DLG2: variants seen among roughly 807,000 people sequenced by gnomAD.
The protein encoded by DLG2 is disks large homolog 2.
A neutral mutation model predicts 132.5 loss-of-function variants in DLG2; 45 were observed. The ratio of observed to expected loss-of-function variants is 0.34; its 90% confidence interval spans 0.27 to 0.44. The LOEUF is 0.44. DLG2 is among the 20% of genes least tolerant of loss of function. DLG2 has a pLI of 1.00. For missense variants in DLG2, 1,045 were observed against 1,196.9 expected, an observed-to-expected ratio of 0.87 and a Z score of 1.87; for synonymous variants, 424 against 419.6, an observed-to-expected ratio of 1.01 and a Z score of -0.13.
chr11:85,391,327 G>A (rs565763190), intron 3 of DLG2, among the ~76,000 whole-genome samples: 59 of 152,100 alleles, frequency 3.9e-4, no homozygotes, highest in South Asian at 1.5e-3. Context: ...AATAGTCCAG[G>A]ACCAGATGGA....
At chr11:85,314,433 A>G (rs978458937) in intron 3 of DLG2, among the ~76,000 whole-genome samples, 11 of 151,894 alleles carry the variant, frequency 7.2e-5, no homozygotes, top group African/African-American at 2.7e-4. Flanking sequence ...CTATATGTAT[A>G]TATATTGACA....
At chr11:83,753,844 CATATATA>C (rs1566831976) in intron 18 of DLG2, among the ~76,000 whole-genome samples, 638 of 8,744 alleles carry the variant, frequency 0.073, 68 homozygotes, top group African/African-American at 0.34. Context: ...TGATATATAT[CATATATA>C]TCATATATAT....
chr11:84,625,718 G>T (rs565301346), intron 6 of DLG2, among the ~76,000 whole-genome samples: 1 of 152,198 alleles, frequency 6.6e-6, no homozygotes, highest in Admixed American at 6.5e-5. Flanking sequence ...AAAATTTGAA[G>T]TCTGAGGTTA....
At chr11:83,737,797 GA>G (rs529698333) in intron 18 of DLG2, among the ~76,000 whole-genome samples, 1 of 152,080 alleles carries the variant, frequency 6.6e-6, no homozygotes, top group African/African-American at 2.4e-5. Flanking sequence ...ACTAAAAATA[GA>G]AAAAATTAGC....
At chr11:83,981,191 C>T (rs2092744932) in intron 11 of DLG2, among the ~76,000 whole-genome samples, 1 of 152,104 alleles carries the variant, frequency 6.6e-6, no homozygotes, top group East Asian at 1.9e-4. Flanking sequence ...TGTTTATATA[C>T]ATGTAATAAT....
intron 4 of DLG2, among the ~76,000 whole-genome samples, chr11:85,262,121 G>C (rs1225664337): frequency 2.0e-5 from 3 of 152,160 alleles, no homozygotes; most frequent in Non-Finnish European, 4.4e-5. Flanking sequence ...CCATTTAGAA[G>C]AGCTGCAACA....
intron 5 of DLG2, among the ~76,000 whole-genome samples, chr11:85,146,290 G>T (rs974800243): frequency 4.6e-5 from 7 of 150,634 alleles, no homozygotes; most frequent in Non-Finnish European, 8.8e-5. Flanking sequence ...TTGGGGGAGG[G>T]ATGGCACAAG....
chr11:84,173,078 G>A lies in DLG2; in HGVS notation c.574-9567C>T, dbSNP rs577532036. Among the ~76,000 whole-genome samples, 2 of 152,054 alleles carry A rather than the reference G, an allele frequency of 1.3e-5. 1 individual carries two copies. The highest frequency in any genetic ancestry group is 4.8e-5 in the African/African-American group (2 of 41,396). On this transcript the variant is annotated intron_variant, in intron 8 of 27. Coordinates refer to ENST00000376104, the MANE Select transcript of DLG2 (RefSeq NM_001142699.3). ...GAAAAATAGCTTAGGGTTCTTATAT[G>A]CATAAAATAATCATTTTCTATATAC...
intron 19 of DLG2, among the ~76,000 whole-genome samples, chr11:83,628,180 T>C (rs1353073787): frequency 6.6e-6 from 1 of 152,210 alleles, no homozygotes; most frequent in Non-Finnish European, 1.5e-5. Context: ...TTCACTCTGA[T>C]GGTAGTTTCT....
At chr11:84,683,536 T>G (rs79191159) in intron 6 of DLG2, among the ~76,000 whole-genome samples, 2,327 of 152,256 alleles carry the variant, frequency 0.015, 71 homozygotes, top group African/African-American at 0.053. Flanking sequence ...TAATAGTTGC[T>G]GAAAATACCA....
At chr11:84,384,399 G>T (rs956532708) in intron 7 of DLG2, among the ~76,000 whole-genome samples, 1 of 151,958 alleles carries the variant, frequency 6.6e-6, no homozygotes, top group African/African-American at 2.4e-5. Context: ...AGCAACATTA[G>T]TTAAATGTAT....
chr11:85,229,163 A>G (rs1565188040), intron 4 of DLG2, among the ~76,000 whole-genome samples: 1 of 147,940 alleles, frequency 6.8e-6, no homozygotes, highest in Admixed American at 6.9e-5. Flanking sequence ...TGTTGTATAC[A>G]TATCCTATAG....
chr11:85,170,277 AT>A (rs2078752184), intron 4 of DLG2, among the ~76,000 whole-genome samples: 1 of 152,042 alleles, frequency 6.6e-6, no homozygotes, highest in Admixed American at 6.6e-5. Context: ...GTTTGTTCAG[AT>A]TTTTTCCTGT....
intron 7 of DLG2, among the ~76,000 whole-genome samples, chr11:84,397,655 A>G (rs182952600): frequency 1.3e-5 from 2 of 152,236 alleles, no homozygotes; most frequent in Admixed American, 1.3e-4. Flanking sequence ...CCCTATCGCC[A>G]ACTCAGTTGA....
intron 7 of DLG2, among the ~76,000 whole-genome samples, chr11:84,291,752 A>C (rs1286713126): frequency 1.3e-5 from 2 of 152,184 alleles, no homozygotes; most frequent in Admixed American, 1.3e-4. Context: ...TTTTTCTATA[A>C]ACCTATTTCT....
At chr11:85,402,875 TG>T (rs2088294825) in intron 3 of DLG2, among the ~76,000 whole-genome samples, 1 of 152,054 alleles carries the variant, frequency 6.6e-6, no homozygotes, top group South Asian at 2.1e-4. Context: ...AAAATAGGAA[TG>T]CTTTTACACT....
At chr11:84,710,805 C>T (rs1244965775) in intron 6 of DLG2, among the ~76,000 whole-genome samples, 1 of 151,376 alleles carries the variant, frequency 6.6e-6, no homozygotes, top group East Asian at 1.9e-4. Flanking sequence ...ATTACACACA[C>T]ACACACATAC....
intron 8 of DLG2, among the ~76,000 whole-genome samples, chr11:84,206,862 A>G (rs1340563541): frequency 6.6e-6 from 1 of 151,982 alleles, no homozygotes; most frequent in African/African-American, 2.4e-5. Context: ...AACCTCCCCC[A>G]AATCTAAAAC....
At chr11:85,299,763 C>G (rs987261114) in intron 3 of DLG2, among the ~76,000 whole-genome samples, 1 of 152,104 alleles carries the variant, frequency 6.6e-6, no homozygotes, top group Non-Finnish European at 1.5e-5. Flanking sequence ...AGGGTAGGGC[C>G]TAGAATTTAC....
Sources: allele counts gnomAD v4.1 joint callset (sites outside exome capture counted in the v4.1 genomes callset), GRCh38; gene constraint gnomAD v4.1.1; transcripts MANE v1.5; gene names NCBI Gene and HGNC (gene_info 2026-07-23, HGNC 2026-07-21).